MYRIP: variants seen among roughly 807,000 people sequenced by gnomAD.
The protein encoded by MYRIP is myosin VIIA and Rab interacting protein, also known as rab effector MyRIP.
A neutral mutation model predicts 98.0 loss-of-function variants in MYRIP; 49 were observed. That is an observed-to-expected ratio of 0.50 (90% CI 0.40 to 0.63). The LOEUF is 0.63. Among genes scored for constraint, MYRIP ranks in the 30% least tolerant of loss-of-function variants. MYRIP has a pLI of 0.00. For missense variants in MYRIP, 1,004 were observed against 1,058.2 expected (o/e 0.95, Z 0.71); for synonymous variants, 404 against 409.5 (o/e 0.99, Z 0.16).
chr3:39,852,447 C>T (rs1384642480), intron 1 of MYRIP, among the ~76,000 whole-genome samples: 1 of 152,060 alleles, frequency 6.6e-6, no homozygotes, highest in Admixed American at 6.6e-5. Context: ...CATGGGTAGG[C>T]TCTTTAGTGG....
intron 3 of MYRIP, among the ~76,000 whole-genome samples, chr3:40,082,900 C>A (rs1489410649): frequency 2.0e-5 from 3 of 152,138 alleles, no homozygotes; most frequent in African/African-American, 7.2e-5. Context: ...AAGATAAAAT[C>A]AGGTGAAAAT....
chr3:40,085,567 A>G (rs539900852), intron 3 of MYRIP, among the ~76,000 whole-genome samples: 35 of 152,320 alleles, frequency 2.3e-4, no homozygotes, highest in Non-Finnish European at 4.4e-4. Context: ...TACAGGCATG[A>G]ACCACTACAC....
chr3:39,935,142 G>A (rs1300955848), intron 2 of MYRIP, among the ~76,000 whole-genome samples: 1 of 152,194 alleles, frequency 6.6e-6, no homozygotes, highest in Non-Finnish European at 1.5e-5. Context: ...GTGCCTGGGT[G>A]TAAACACGGA....
chr3:40,088,958 T>C (rs538323512), intron 3 of MYRIP, among the ~76,000 whole-genome samples: 12 of 148,800 alleles, frequency 8.1e-5, no homozygotes, highest in Non-Finnish European at 1.6e-4. Flanking sequence ...AGAGGAATGG[T>C]AAGACACAGA....
intron 1 of MYRIP, among the ~76,000 whole-genome samples, chr3:39,854,101 T>C (rs1172581617): frequency 6.6e-6 from 1 of 152,186 alleles, no homozygotes; most frequent in African/African-American, 2.4e-5. Flanking sequence ...TGATGTTCCA[T>C]TGGTCTGTGT....
At chr3:40,226,102 A>G (rs1276077945) in intron 11 of MYRIP, among the ~76,000 whole-genome samples, 5 of 152,174 alleles carry the variant, frequency 3.3e-5, no homozygotes, top group Non-Finnish European at 5.9e-5. Flanking sequence ...CCCTCCCCTC[A>G]GGAAACTTGA....
At chr3:39,910,521 C>T (rs1943994791) in intron 2 of MYRIP, among the ~76,000 whole-genome samples, 1 of 152,202 alleles carries the variant, frequency 6.6e-6, no homozygotes, top group Admixed American at 6.5e-5. Context: ...CAACTAGCCA[C>T]ATGTGGCATT....
At chr3:40,169,783 T>C (rs1208664227) in intron 7 of MYRIP, among the ~76,000 whole-genome samples, 167 bp from the exon 8 acceptor site, 1 of 152,234 alleles carries the variant, frequency 6.6e-6, no homozygotes, top group East Asian at 1.9e-4. Context: ...TGCTCAAGGC[T>C]ATAATTGTGC....
intron 1 of MYRIP, among the ~76,000 whole-genome samples, chr3:39,888,260 A>G (rs988216133): frequency 2.0e-5 from 3 of 151,924 alleles, no homozygotes; most frequent in Non-Finnish European, 2.9e-5. Flanking sequence ...GAGGCATCAC[A>G]CTACCTGATT....
At position 40,151,230 on chromosome 3, in the gene MYRIP, G is replaced by C. The variant is rs756460481; in HGVS notation, c.469+46G>C. The C allele has an allele frequency of 1.9e-6, 3 of 1,548,304 alleles. No individual in the cohort carries two copies. The African/African-American group carries it at 4.1e-5, about 21-fold the overall frequency. On this transcript the variant is annotated intron_variant, in intron 4 of 16. Transcript: ENST00000302541. ...TCTGGGAGTCTTTGGTGGGCTGGTG[G>C]GTAGAAGGCCTGGCTCAGGGGCCCT...
intron 3 of MYRIP, among the ~76,000 whole-genome samples, chr3:40,138,777 C>G (rs769217712): frequency 7.9e-5 from 12 of 152,326 alleles, no homozygotes; most frequent in Non-Finnish European, 1.5e-4. Context: ...GCTACCATCT[C>G]AAACATAGCT....
chr3:40,186,152 T>C (rs1951029353), intron 9 of MYRIP, among the ~76,000 whole-genome samples: 2 of 152,012 alleles, frequency 1.3e-5, no homozygotes, highest in South Asian at 4.2e-4. Flanking sequence ...GCATATGCAA[T>C]TGAGGAGTGA....
At chr3:40,192,343 C>CATATATATATATATGTT (rs202167228) in intron 10 of MYRIP, among the ~76,000 whole-genome samples, 1 of 47,570 alleles carries the variant, frequency 2.1e-5, no homozygotes, top group Non-Finnish European at 4.8e-5. Context: ...ATATATATGT[C>CATATATATATATATGTT]ATATATATAT....
chr3:39,873,979 T>A (rs1942892947), intron 1 of MYRIP, among the ~76,000 whole-genome samples: 1 of 151,466 alleles, frequency 6.6e-6, no homozygotes. Flanking sequence ...GAGCATGGAA[T>A]GTTCTTCCAT....
intron 9 of MYRIP, among the ~76,000 whole-genome samples, chr3:40,184,180 G>GCT (rs1251362413): frequency 7.3e-5 from 11 of 151,430 alleles, no homozygotes; most frequent in African/African-American, 2.7e-4. Flanking sequence ...TCATATTCTC[G>GCT]CTCTCTCTCT....
At chr3:39,817,511 C>T (rs776280550) in intron 1 of MYRIP, among the ~76,000 whole-genome samples, 1 of 152,248 alleles carries the variant, frequency 6.6e-6, no homozygotes, top group South Asian at 2.1e-4. Flanking sequence ...AAAATCTTCT[C>T]ATGGGCACAT....
chr3:39,946,970 C>T (rs1944917713), intron 2 of MYRIP, among the ~76,000 whole-genome samples: 2 of 151,734 alleles, frequency 1.3e-5, no homozygotes, highest in African/African-American at 4.8e-5. Flanking sequence ...TCGCTAAAGG[C>T]GAAAAGCATT....
intron 12 of MYRIP, 42 bp downstream of exon 12, chr3:40,234,095 TGAA>T (rs1559468796): frequency 1.9e-6 from 3 of 1,543,962 alleles, no homozygotes; most frequent in East Asian, 4.5e-5. Context: ...TGAATGTATG[TGAA>T]GAAGAAGCTG....
At chr3:39,945,044 G>A (rs1046525624) in intron 2 of MYRIP, among the ~76,000 whole-genome samples, 2 of 152,020 alleles carry the variant, frequency 1.3e-5, no homozygotes, top group African/African-American at 4.8e-5. Flanking sequence ...TGGAAAGAAA[G>A]TCAGAGATGA....
Sources: gnomAD v4.1 joint callset for allele counts (sites outside exome capture counted in the v4.1 genomes callset) on GRCh38, gnomAD v4.1.1 for gene constraint, MANE v1.5 for transcripts, NCBI Gene and HGNC (gene_info 2026-07-23, HGNC 2026-07-21) for gene names.